Variants in MAP3K4 observed in about 807,000 individuals in gnomAD.
MAP3K4 encodes MAP three kinase 1.
In MAP3K4, 67 loss-of-function variants were observed where a neutral mutation model predicts 185.6. The ratio of observed to expected loss-of-function variants is 0.36; its 90% CI spans 0.30 to 0.44. MAP3K4 has a LOEUF of 0.44. Ranked by LOEUF, MAP3K4 falls within the 20% of genes least tolerant of loss-of-function variation. MAP3K4 has a pLI of 1.00. For synonymous variants in MAP3K4, 702 were observed against 710.4 expected (o/e 0.99, Z 0.19); for missense variants, 1,551 against 1,995.1 (o/e 0.78, Z 4.24).
chr6:161,031,964 GT>G (rs1782952297), intron 1 of MAP3K4, among the ~76,000 whole-genome samples: 2 of 152,094 alleles, frequency 1.3e-5, no homozygotes, highest in South Asian at 4.1e-4. Flanking sequence ...TAATTATCCT[GT>G]TATTCACTGC....
In MAP3K4 at chr6:161,084,607, G is replaced by A. The variant is rs963818485; in HGVS notation, c.2362G>A (p.Asp788Asn). 1.4e-5 allele frequency: 22 copies of A among 1,590,878 alleles called. No homozygotes were observed. The highest frequency in any genetic ancestry group is 2.7e-5 in the African/African-American group (2 of 74,496). ...WTSADDSSAS[D>N]EIRRSVIEIS... ...TAGTGCGGATGACAGCAGTGCTTCC[G>A]ACGAAATCAGGTTGGAGTTGTGCTT... Residue 788 changes from aspartate (D) to asparagine (N), a missense_variant, in exon 7 of 27, where the codon GAC (aspartate) becomes AAC (asparagine). Asp to Asn is a conservative substitution (Grantham distance 23, BLOSUM62 1). Coordinates refer to ENST00000392142, the MANE Select transcript of MAP3K4 (RefSeq NM_005922.4). This position sits in a 1 kb window ranked among gnomAD's most constrained non-coding sequence, Gnocchi z 4.6.
At position 161,070,645 on chromosome 6, in the gene MAP3K4, A is replaced by T; in HGVS notation, c.1745A>T (p.Tyr582Phe). The change falls in exon 4 of 27, where the codon TAT becomes TTT. Residue 582 changes from tyrosine (Y) to phenylalanine (F), a missense_variant. Physicochemically the swap from Tyr to Phe is conservative, Grantham distance 22. Transcript: ENST00000392142. This position sits in a 1 kb window ranked among gnomAD's most constrained non-coding sequence, Gnocchi z 4.5. ...CCAGATCCCATGTGGGGTTCAGATTATGTGCAGTTGTCAAGGACACCACCT... is the reference window on the plus strand; with the variant it reads ...CCAGATCCCATGTGGGGTTCAGATTTTGTGCAGTTGTCAAGGACACCACCT... Reference protein sequence around the residue: ...EFPDPMWGSDYVQLSRTPPSS... With the variant: ...EFPDPMWGSDFVQLSRTPPSS... The T allele has an allele frequency of 6.2e-7, 1 of 1,614,024 alleles. No individual in the cohort carries two copies. Among genetic ancestry groups the T allele is most frequent in the Non-Finnish European group, 8.5e-7 (1 of 1,180,012 alleles).
At chr6:161,010,498 GT>G (rs5881386) in intron 1 of MAP3K4, among the ~76,000 whole-genome samples, 136,097 of 152,156 alleles carry the variant, frequency 0.89, 61,196 homozygotes, top group Non-Finnish European at 0.93. Flanking sequence ...TCTTTCAAAT[GT>G]TTTTTTAAAA....
rs188387395 is a variant in MAP3K4 at position 161,064,490 on chromosome 6, A to G, written c.1708-6118A>G. ...TACATTAAATTCTAGATAATTGGGT[A>G]TGTTTCTGTGTTCTGATCTGTTTAT... On this transcript the variant is annotated intron_variant, in intron 3 of 26. Transcript: ENST00000392142. This position sits in a 1 kb window ranked among gnomAD's most constrained non-coding sequence, Gnocchi z 4.3. Among the ~76,000 whole-genome samples, 65 of 151,666 alleles carry G rather than the reference A, an allele frequency of 4.3e-4. No individual in the cohort carries two copies. The highest frequency in any genetic ancestry group is 3.4e-3 in the Middle Eastern group (1 of 292).
intron 1 of MAP3K4, among the ~76,000 whole-genome samples, chr6:161,002,919 T>A (rs1476992805): frequency 1.3e-5 from 2 of 152,196 alleles, no homozygotes; most frequent in Non-Finnish European, 2.9e-5. Flanking sequence ...GTATTTTTTT[T>A]ATACAGTTTA....
chr6:161,008,988 C>CTTT lies in MAP3K4; in HGVS notation c.152+16918_152+16920dup, dbSNP rs35129518. 3.6e-5 allele frequency among the ~76,000 whole-genome samples: 5 copies of CTTT among 139,350 alleles called. No homozygotes were observed. Among genetic ancestry groups the CTTT allele is most frequent in the African/African-American group, 1.3e-4 (5 of 37,740 alleles). 91.4% of individuals were successfully genotyped at this position (139,350 alleles called of 152,430 possible). A position where few individuals can be genotyped will look rare whatever the true frequency, so the allele number is the denominator to read the frequency against. ...ATTCATTTTTTTAAACCATCTGAAC[C>CTTT]TTTTTTTTTTTTTTTGAGACGGAAT... On this transcript the variant is annotated intron_variant, in intron 1 of 26. Transcript: ENST00000392142. This position sits in a 1 kb window ranked among gnomAD's most constrained non-coding sequence, Gnocchi z 4.1.
In MAP3K4 at chr6:161,084,495, C is replaced by T. The variant is rs765343018; in HGVS notation, c.2256-6C>T. The T allele has an allele frequency of 1.1e-5, 15 of 1,308,690 alleles. No homozygotes were observed. The highest frequency in any genetic ancestry group is 1.7e-5 in the Admixed American group (1 of 59,616). 81.1% of individuals were successfully genotyped at this position (1,308,690 alleles called of 1,614,324 possible). A position where few individuals can be genotyped will look rare whatever the true frequency, so the allele number is the denominator to read the frequency against. ...CTCTGTTTTATTTTTATTTTTGTTC[C>T]CTTAGTGACATTGCAGGAATGCTGC... On this transcript the variant is annotated splice_region_variant and splice_polypyrimidine_tract_variant and intron_variant, in intron 6 of 26. Coordinates refer to ENST00000392142, the MANE Select transcript of MAP3K4 (RefSeq NM_005922.4). The surrounding 1 kb of genome is among the most constrained non-coding windows in gnomAD (Gnocchi z 4.6).
At position 161,091,414 on chromosome 6, in the gene MAP3K4, T is replaced by G. The variant is rs55704622; in HGVS notation, c.3009T>G (p.Asn1003Lys). Residue 1003 changes from asparagine to lysine, a missense_variant, in exon 12 of 27, where the codon AAT (asparagine) becomes AAG (lysine). Transcript: ENST00000392142. This position sits in a 1 kb window ranked among gnomAD's most constrained non-coding sequence, Gnocchi z 5.5. ...TGGAGCTATGCAACAGGATAAGCAA[T>G]GCCATTGACCGCGTGGACCACATGT... ...DALELCNRIS[N>K]AIDRVDHMFT... 5 of 1,614,044 alleles carry G rather than the reference T, an allele frequency of 3.1e-6. No individual in the cohort carries two copies. In the Admixed American group the frequency reaches 8.3e-5, roughly 27 times the overall value.
rs750878597 is a variant in MAP3K4 at position 161,082,152 on chromosome 6, A to G, written c.2255+1114A>G. ...GAACTTGCTCTCCTCTCATAACTCC[A>G]TCCGTCAGGCTGTGATCCCCAGGCT... On this transcript the variant is annotated intron_variant, in intron 6 of 26. Coordinates refer to ENST00000392142, the MANE Select transcript of MAP3K4 (RefSeq NM_005922.4). This position sits in a 1 kb window ranked among gnomAD's most constrained non-coding sequence, Gnocchi z 4.2. Among the ~76,000 whole-genome samples, 17 of 150,738 alleles carry G rather than the reference A, an allele frequency of 1.1e-4. No homozygotes were observed. Among genetic ancestry groups the G allele is most frequent in the Non-Finnish European group, 2.1e-4 (14 of 67,684 alleles).
rs569459511 is a variant in MAP3K4, at chr6:161,109,337, A to G, written c.4237-418A>G. 2.6e-5 allele frequency among the ~76,000 whole-genome samples: 4 copies of G among 152,066 alleles called. No homozygotes were observed. Among genetic ancestry groups the G allele is most frequent in the Admixed American group, 6.5e-5 (1 of 15,276 alleles). The stretch of plus-strand genomic sequence containing the variant: ...AACTTGGAGCATCGTGGTGTAGAGC[A>G]TGAGCTTCCAGGGGAAGTTGGAAAT... On this transcript the variant is annotated intron_variant, in intron 22 of 26. Transcript: ENST00000392142. This position sits in a 1 kb window ranked among gnomAD's most constrained non-coding sequence, Gnocchi z 5.7.
At chr6:161,023,086 T>TA (rs1175683360) in intron 1 of MAP3K4, among the ~76,000 whole-genome samples, 2 of 152,226 alleles carry the variant, frequency 1.3e-5, no homozygotes, top group African/African-American at 4.8e-5. Context: ...CAGCTTTATA[T>TA]GAAAAGGTAG....
In MAP3K4 at chr6:161,084,514, A is replaced by C; in HGVS notation, c.2269A>C (p.Met757Leu). The change falls in exon 7 of 27, where the codon ATG becomes CTG. Residue 757 changes from methionine (M) to leucine (L), a missense_variant. Met to Leu is a conservative substitution (Grantham distance 15). This residue lies in a region of MAP3K4 where 130 missense variants were observed against 171.3 expected (regional missense o/e 0.76). Transcript: ENST00000392142. The surrounding 1 kb of genome is among the most constrained non-coding windows in gnomAD (Gnocchi z 4.6). ...AGKLFCDIAG[M>L]LLKSTGSFLE... is the part of the protein sequence containing the mutation. ...TTGTTCCCTTAGTGACATTGCAGGA[A>C]TGCTGCTGAAATCTACAGGAAGTTT... is the stretch of plus-strand genomic sequence containing the variant. 1 of 1,551,692 alleles carries C rather than the reference A, an allele frequency of 6.4e-7. No individual in the cohort carries two copies. The highest frequency in any genetic ancestry group is 8.9e-7 in the Non-Finnish European group (1 of 1,123,000).
chr6:161,003,112 A>G (rs1241799874), intron 1 of MAP3K4, among the ~76,000 whole-genome samples: 1 of 152,086 alleles, frequency 6.6e-6, no homozygotes, highest in Non-Finnish European at 1.5e-5. Flanking sequence ...TGAATTTTTC[A>G]CTATTTTGGA....
At position 161,070,307 on chromosome 6, in the gene MAP3K4, G is replaced by C. The variant is rs1188478563; in HGVS notation, c.1708-301G>C. ...AAATAAAGTGTTCTGATCATTTTAA[G>C]TGTGAGGCAAAAATGTTAAAGATGA... is the stretch of plus-strand genomic sequence containing the variant. On this transcript the variant is annotated intron_variant, in intron 3 of 26. Coordinates refer to ENST00000392142, the MANE Select transcript of MAP3K4 (RefSeq NM_005922.4). The surrounding 1 kb of genome is among the most constrained non-coding windows in gnomAD (Gnocchi z 4.5). 6.6e-6 allele frequency among the ~76,000 whole-genome samples: 1 copy of C among 152,116 alleles called. No homozygotes were observed.
At chr6:161,066,246 T>G (rs1784707185) in intron 3 of MAP3K4, among the ~76,000 whole-genome samples, 1 of 152,192 alleles carries the variant, frequency 6.6e-6, no homozygotes, top group Admixed American at 6.5e-5. Flanking sequence ...ATCATCCCTA[T>G]TCAGAGGCTG....
chr6:160,999,641 T>G (rs1781175629), intron 1 of MAP3K4, among the ~76,000 whole-genome samples: 1 of 152,186 alleles, frequency 6.6e-6, no homozygotes, highest in Admixed American at 6.5e-5. Context: ...CTTTCCCAGC[T>G]GACAGCTTAG....
rs1277542100 is a variant in MAP3K4, at chr6:160,999,514, A to C, written c.152+7431A>C. 2.0e-5 allele frequency among the ~76,000 whole-genome samples: 3 copies of C among 152,230 alleles called. No homozygotes were observed. In the East Asian group the frequency reaches 5.8e-4, roughly 29 times the overall value. On this transcript the variant is annotated intron_variant, in intron 1 of 26. Transcript: ENST00000392142. ...ACAGATGGTAGGACGCTTAGTGTTC[A>C]TTTCATCCAACTTCCTAGCCATTGC...
intron 17 of MAP3K4, among the ~76,000 whole-genome samples, chr6:161,099,975 G>T (rs1267786380): frequency 6.6e-6 from 1 of 152,216 alleles, no homozygotes; most frequent in African/African-American, 2.4e-5. Context: ...AATCGTTGAT[G>T]TTTAGAAATT....
intron 1 of MAP3K4, among the ~76,000 whole-genome samples, chr6:161,024,462 G>C (rs906536282): frequency 1.3e-5 from 2 of 152,108 alleles, no homozygotes; most frequent in African/African-American, 2.4e-5. Context: ...TTCCCCACAT[G>C]TTCTTTTTCT....
Sources: allele counts gnomAD v4.1 joint callset (sites outside exome capture counted in the v4.1 genomes callset), GRCh38; gene constraint gnomAD v4.1.1; regional missense constraint gnomAD v4.1.1; non-coding constraint Gnocchi (gnomAD v3.1); transcripts MANE v1.5; gene names NCBI Gene and HGNC (gene_info 2026-07-23, HGNC 2026-07-21).